CDK19: variants seen among roughly 807,000 people sequenced by gnomAD.
CDK19 encodes cyclin dependent kinase 19, also known as cyclin-dependent kinase 19.
In CDK19, 20 loss-of-function variants were observed where a neutral mutation model predicts 68.3. The ratio of observed to expected loss-of-function variants is 0.29; its 90% CI spans 0.21 to 0.43. The LOEUF is 0.43. Ranked by LOEUF, CDK19 falls within the 20% of genes least tolerant of loss-of-function variation. The pLI is 1.00. For synonymous variants in CDK19, 221 were observed against 222.8 expected, an observed-to-expected ratio of 0.99 and a Z score of 0.07; for missense variants, 339 against 623.5, an observed-to-expected ratio of 0.54 and a Z score of 4.86.
chr6:110,727,116 T>C (rs973928982), intron 2 of CDK19, among the ~76,000 whole-genome samples: 4 of 152,208 alleles, frequency 2.6e-5, no homozygotes, highest in Non-Finnish European at 5.9e-5. Context: ...AATTAGGTTA[T>C]ATAAGACCAT....
chr6:110,692,137 T>C (rs1052028116), intron 2 of CDK19, among the ~76,000 whole-genome samples: 1 of 150,986 alleles, frequency 6.6e-6, no homozygotes, highest in Non-Finnish European at 1.5e-5. Flanking sequence ...CTACTAAAAA[T>C]ACAAAAATTA....
At chr6:110,718,672 A>G (rs1242002797) in intron 2 of CDK19, among the ~76,000 whole-genome samples, 1 of 151,534 alleles carries the variant, frequency 6.6e-6, no homozygotes, top group Non-Finnish European at 1.5e-5. Flanking sequence ...CTAATTCTTT[A>G]TCAAGCTAAA....
At chr6:110,694,297 A>G (rs1278839136) in intron 2 of CDK19, among the ~76,000 whole-genome samples, 4 of 152,164 alleles carry the variant, frequency 2.6e-5, no homozygotes, top group Non-Finnish European at 5.9e-5. Flanking sequence ...AGCAGTAGAA[A>G]AAGATATGCA....
intron 4 of CDK19, among the ~76,000 whole-genome samples, chr6:110,645,338 A>G (rs544924070): frequency 1.6e-4 from 25 of 152,342 alleles, no homozygotes; most frequent in African/African-American, 5.8e-4. Context: ...GAGAAACCAT[A>G]AAAGTTTAAA....
At chr6:110,803,007 T>C (rs1047140336) in intron 1 of CDK19, among the ~76,000 whole-genome samples, 1 of 151,966 alleles carries the variant, frequency 6.6e-6, no homozygotes, top group African/African-American at 2.4e-5. Flanking sequence ...TAAACAGAAA[T>C]GGTTAACACT....
chr6:110,777,870 A>G (rs1780521265), intron 1 of CDK19, among the ~76,000 whole-genome samples: 1 of 152,266 alleles, frequency 6.6e-6, no homozygotes, highest in South Asian at 2.1e-4. Flanking sequence ...GCTATGTCAT[A>G]TAAGCCCTCA....
intron 1 of CDK19, among the ~76,000 whole-genome samples, chr6:110,798,599 T>C (rs974746776): frequency 2.4e-5 from 3 of 126,094 alleles, no homozygotes; most frequent in Non-Finnish European, 4.7e-5. Context: ...CACTCCAGCC[T>C]GGGCAACAAG....
intron 3 of CDK19, among the ~76,000 whole-genome samples, chr6:110,669,475 TCAAA>T (rs1008865085): frequency 1.3e-5 from 2 of 152,158 alleles, no homozygotes; most frequent in East Asian, 3.9e-4. Context: ...AGACCCTGTC[TCAAA>T]CAAACAAACA....
At chr6:110,712,652 A>G (rs976754302) in intron 2 of CDK19, among the ~76,000 whole-genome samples, 4 of 152,204 alleles carry the variant, frequency 2.6e-5, no homozygotes, top group African/African-American at 7.2e-5. Flanking sequence ...GGATGCAGAG[A>G]TGCTGAAACG....
intron 1 of CDK19, among the ~76,000 whole-genome samples, chr6:110,757,824 C>T (rs902654310): frequency 6.6e-6 from 1 of 152,142 alleles, no homozygotes; most frequent in African/African-American, 2.4e-5. Context: ...CTAAAGTAAA[C>T]TTTTCTGCTT....
At chr6:110,635,628 C>T (rs528760831) in intron 5 of CDK19, among the ~76,000 whole-genome samples, 1 of 152,330 alleles carries the variant, frequency 6.6e-6, no homozygotes, top group African/African-American at 2.4e-5. Flanking sequence ...CAACCTCCGC[C>T]TCCCGGGTTC....
At chr6:110,702,118 G>C (rs950533581) in intron 2 of CDK19, among the ~76,000 whole-genome samples, 1 of 151,616 alleles carries the variant, frequency 6.6e-6, no homozygotes. Flanking sequence ...TCCAGCCTGG[G>C]TGACTGAGCA....
chr6:110,806,814 T>C (rs549867733), intron 1 of CDK19, among the ~76,000 whole-genome samples: 3 of 150,486 alleles, frequency 2.0e-5, no homozygotes, highest in East Asian at 2.0e-4. Context: ...CTGTCTCTAC[T>C]AAAAATACAA....
chr6:110,800,193 A>T (rs571030223), intron 1 of CDK19, among the ~76,000 whole-genome samples: 28 of 152,334 alleles, frequency 1.8e-4, no homozygotes, highest in Admixed American at 1.6e-3. Context: ...AGAGTGGGAA[A>T]GGTGTATTAC....
chr6:110,740,319 A>G lies in CDK19; in HGVS notation c.204+5807T>C, dbSNP rs549760250. On this transcript the variant is annotated intron_variant, in intron 2 of 12. Coordinates refer to ENST00000368911, the MANE Select transcript of CDK19 (RefSeq NM_015076.5). ...AGAGGCCACAAATGTAATAGACTTC[A>G]TATTAGAACTTCCCTGTAATCCCAG... Among the ~76,000 whole-genome samples the G allele has an allele frequency of 8.5e-5, 13 of 152,324 alleles. No individual in the cohort carries two copies. In the South Asian group the frequency reaches 2.5e-3, roughly 29 times the overall value.
At chr6:110,739,118 C>T (rs1394856990) in intron 2 of CDK19, among the ~76,000 whole-genome samples, 1 of 152,206 alleles carries the variant, frequency 6.6e-6, no homozygotes, top group Non-Finnish European at 1.5e-5. Flanking sequence ...TCTCTTCCCT[C>T]CTCAATAAAC....
At chr6:110,645,725 A>C (rs547228682) in intron 4 of CDK19, 1 of 449,114 alleles carries the variant, frequency 2.2e-6, no homozygotes, top group Admixed American at 3.4e-5. Flanking sequence ...AGGCCAACAG[A>C]GTCCCTACAG....
intron 5 of CDK19, among the ~76,000 whole-genome samples, chr6:110,633,835 A>T (rs1356383327): frequency 6.6e-6 from 1 of 152,210 alleles, no homozygotes. Context: ...AAAGCAGTTA[A>T]ATGACTTGCC....
At chr6:110,617,668 C>CAT (rs1778414893) in intron 12 of CDK19, among the ~76,000 whole-genome samples, 1 of 87,352 alleles carries the variant, frequency 1.1e-5, no homozygotes, top group African/African-American at 5.1e-5. Context: ...TATATACACA[C>CAT]ACACACACAC....
Sources: gnomAD v4.1 joint callset for allele counts (sites outside exome capture counted in the v4.1 genomes callset) on GRCh38, gnomAD v4.1.1 for gene constraint, MANE v1.5 for transcripts, NCBI Gene and HGNC (gene_info 2026-07-23, HGNC 2026-07-21) for gene names.